Variants in CHD5 observed in about 807,000 individuals in gnomAD.
CHD5 encodes ATP-dependent chromatin remodeler CHD5.
Under a neutral mutation model 230.3 loss-of-function variants are expected in CHD5, and 69 were observed. The observed-to-expected ratio is 0.30, with a 90% CI of 0.25 to 0.37. The LOEUF is 0.37. Ranked by LOEUF, CHD5 falls within the 10% of genes least tolerant of loss-of-function variation. The pLI, the probability that CHD5 is intolerant of heterozygous loss-of-function variation, is 1.00. For synonymous variants in CHD5, 1,064 were observed against 1,065.9 expected, an observed-to-expected ratio of 1.00 and a Z score of 0.03; for missense variants, 1,827 against 2,622.8, an observed-to-expected ratio of 0.70 and a Z score of 6.63.
chr1:6,128,703 GC>G lies in CHD5; in HGVS notation c.3620-95del. 1 of 1,299,492 alleles carries G rather than the reference GC, an allele frequency of 7.7e-7. No homozygotes were observed. The highest frequency in any genetic ancestry group is 1.1e-6 in the Non-Finnish European group (1 of 909,886). 80.5% of individuals were successfully genotyped at this position (1,299,492 alleles called of 1,614,324 possible). ...AGAGACACCACCCTGGGCTGTCCTAGCCAGGAGATACAGGTGGGGGGTGCAG... is the reference window on the plus strand; with the variant it reads ...AGAGACACCACCCTGGGCTGTCCTAGCAGGAGATACAGGTGGGGGGTGCAG... On this transcript the variant is annotated intron_variant, in intron 23 of 41. Coordinates refer to ENST00000262450, the MANE Select transcript of CHD5 (RefSeq NM_015557.3). The surrounding 1 kb of genome is among the most constrained non-coding windows in gnomAD (Gnocchi z 7.8).
Position 6,131,972 on chromosome 1 carries a change from T to C in CHD5, c.3145-224A>G, listed in dbSNP as rs554762750. 9.2e-5 allele frequency among the ~76,000 whole-genome samples: 14 copies of C among 152,286 alleles called. No homozygotes were observed. The South Asian group carries it at 1.7e-3, about 18-fold the overall frequency. On this transcript the variant is annotated intron_variant, in intron 20 of 41. Coordinates refer to ENST00000262450, the MANE Select transcript of CHD5 (RefSeq NM_015557.3). This position sits in a 1 kb window ranked among gnomAD's most constrained non-coding sequence, Gnocchi z 5.0. ...CTGCCTAGCCCCACAGCCACTTACC[T>C]AAATCAGGGCTCTGACATGAGCCTC...
rs553673115 is a variant in CHD5 at position 6,134,007 on chromosome 1, A to T, written c.3144+121T>A. On this transcript the variant is annotated intron_variant, in intron 20 of 41. Coordinates refer to ENST00000262450, the MANE Select transcript of CHD5 (RefSeq NM_015557.3). This position sits in a 1 kb window ranked among gnomAD's most constrained non-coding sequence, Gnocchi z 6.3. ...GTGACCCCTGACACACAGTCACATG[A>T]CCCACATGGGAACGGCACTGGGCCC... The T allele has an allele frequency of 2.1e-6, 2 of 930,480 alleles. No individual in the cohort carries two copies. Among genetic ancestry groups the T allele is most frequent in the Non-Finnish European group, 3.2e-6 (2 of 615,514 alleles). 57.6% of individuals were successfully genotyped at this position (930,480 alleles called of 1,614,324 possible). A position where few individuals can be genotyped will look rare whatever the true frequency, so the allele number is the denominator to read the frequency against.
rs761614734 is a variant in CHD5 at position 6,124,498 on chromosome 1, CAG to C, written c.4539+17_4539+18del. On this transcript the variant is annotated intron_variant, in intron 30 of 41. Transcript: ENST00000262450. ...CAGGCAGCCACCAGGAAGGGCCCTA[CAG>C]AGAGTTACTCACCCACCTTCTTCCT... 3 of 1,613,852 alleles carry C rather than the reference CAG, an allele frequency of 1.9e-6. No individual in the cohort carries two copies. Among genetic ancestry groups the C allele is most frequent in the South Asian group, 1.1e-5 (1 of 91,058 alleles).
At chr1:6,106,556 C>T in intron 39 of CHD5, 47 bp from the exon 40 acceptor site, 1 of 1,550,264 alleles carries the variant, frequency 6.5e-7, no homozygotes, top group Non-Finnish European at 8.7e-7. Flanking sequence ...GCCCCCCACC[C>T]AGCCTCCACC....
At position 6,106,778 on chromosome 1, in the gene CHD5, G is replaced by T; in HGVS notation, c.5580C>A (p.Val1860=). The T allele has an allele frequency of 1.2e-6, 2 of 1,608,762 alleles. No individual in the cohort carries two copies. Among genetic ancestry groups the T allele is most frequent in the Non-Finnish European group, 1.7e-6 (2 of 1,178,292 alleles). Reference sequence around the variant, plus strand: ...TCAGCAGCTCCTCCAGCTGGTTCAGGACTGTGGTGGGAGGCGGAGGGATGG... The same window carrying T: ...TCAGCAGCTCCTCCAGCTGGTTCAGTACTGTGGTGGGAGGCGGAGGGATGG... ...NKPANAVLHK[V]LNQLEELLSD... Residue 1860 remains valine (V), a splice_region_variant and synonymous_variant, in exon 39 of 42, where the codon GTC becomes GTA. Transcript: ENST00000262450.
chr1:6,125,956 C>G lies in CHD5; in HGVS notation c.4079-98G>C, dbSNP rs1284611688. The G allele has an allele frequency of 8.5e-6, 7 of 825,320 alleles. No individual in the cohort carries two copies. The highest frequency in any genetic ancestry group is 2.0e-6 in the Non-Finnish European group (1 of 497,960). 51.1% of individuals were successfully genotyped at this position (825,320 alleles called of 1,614,324 possible). ...CAGGGCCACGCCGAGCCCCTGCACC[C>G]CAGCTCCATAAAAAAGCAGTGACAA... On this transcript the variant is annotated intron_variant, in intron 26 of 41. Coordinates refer to ENST00000262450, the MANE Select transcript of CHD5 (RefSeq NM_015557.3). This position sits in a 1 kb window ranked among gnomAD's most constrained non-coding sequence, Gnocchi z 6.7.
In CHD5 at chr1:6,154,805, G is replaced by A; in HGVS notation, c.600C>T (p.Pro200=). 1 of 1,613,874 alleles carries A rather than the reference G, an allele frequency of 6.2e-7. No homozygotes were observed. Among genetic ancestry groups the A allele is most frequent in the Non-Finnish European group, 8.5e-7 (1 of 1,179,988 alleles). ...AKWREFSANN[P]FKGSSAAAAA... The stretch of plus-strand genomic sequence containing the variant: ...CTGCTGCCGCGGAGCTGCCCTTGAA[G>A]GGGTTGTTGGCGCTGAACTCCCGCC... Residue 200 remains proline (P), a synonymous_variant, in exon 5 of 42, where the codon CCC becomes CCT. Transcript: ENST00000262450. The surrounding 1 kb of genome is among the most constrained non-coding windows in gnomAD (Gnocchi z 7.0).
At chr1:6,175,458 G>A (rs1308697686) in intron 1 of CHD5, among the ~76,000 whole-genome samples, 1 of 150,464 alleles carries the variant, frequency 6.6e-6, no homozygotes, top group Non-Finnish European at 1.5e-5. Flanking sequence ...GTGGGTACAG[G>A]AATGGATGGA....
chr1:6,146,483 C>G lies in CHD5; in HGVS notation c.1591-60G>C. 6.5e-7 allele frequency: 1 copy of G among 1,535,200 alleles called. No individual in the cohort carries two copies. Among genetic ancestry groups the G allele is most frequent in the Non-Finnish European group, 9.0e-7 (1 of 1,116,364 alleles). ...GATGGGCCATGGTCCCCTGCATCTC[C>G]CTACCCAGCTCCTCTAGCCCCAGCC... On this transcript the variant is annotated intron_variant, in intron 10 of 41. Coordinates refer to ENST00000262450, the MANE Select transcript of CHD5 (RefSeq NM_015557.3). This position sits in a 1 kb window ranked among gnomAD's most constrained non-coding sequence, Gnocchi z 5.1.
chr1:6,174,855 C>CGGATGGATGGATGAAAGATGAAT (rs1557566048), intron 1 of CHD5, among the ~76,000 whole-genome samples: 1 of 133,144 alleles, frequency 7.5e-6, no homozygotes, highest in East Asian at 2.5e-4. Context: ...GGATGAATGA[C>CGGATGGATGGATGAAAGATGAAT]GGATGGATGG....
rs1472309668 is a variant in CHD5, at chr1:6,126,839, C to T, written c.3904-93G>A. 5.8e-6 allele frequency: 7 copies of T among 1,200,712 alleles called. No individual in the cohort carries two copies. In the Admixed American group the frequency reaches 1.5e-4, roughly 25 times the overall value. The allele number at this position is 1,200,712 out of a possible 1,614,324, so 74.4% of individuals were successfully genotyped here. A position where few individuals can be genotyped will look rare whatever the true frequency, so the allele number is the denominator to read the frequency against. On this transcript the variant is annotated intron_variant, in intron 25 of 41. Transcript: ENST00000262450. This position sits in a 1 kb window ranked among gnomAD's most constrained non-coding sequence, Gnocchi z 5.7. ...CTCCACCTGACCTGCCCTTTGCCCC[C>T]TCAGGGCTCAAGGATTAATGGGATG...
At position 6,121,705 on chromosome 1, in the gene CHD5, G is replaced by A. The variant is rs571559991; in HGVS notation, c.4700-132C>T. The A allele has an allele frequency of 3.2e-6, 2 of 632,570 alleles. No individual in the cohort carries two copies. Among genetic ancestry groups the A allele is most frequent in the African/African-American group, 1.8e-5 (1 of 54,434 alleles). 39.2% of individuals were successfully genotyped at this position (632,570 alleles called of 1,614,324 possible). On this transcript the variant is annotated intron_variant, in intron 31 of 41. Coordinates refer to ENST00000262450, the MANE Select transcript of CHD5 (RefSeq NM_015557.3). This position sits in a 1 kb window ranked among gnomAD's most constrained non-coding sequence, Gnocchi z 4.5. ...CTCCACTGCAGCCAAGCACCTCCAG[G>A]AGAGACAAGCAGGATCCCCGGCTAA...
At chr1:6,172,329 CTTTATTTA>C (rs141678011) in intron 1 of CHD5, among the ~76,000 whole-genome samples, 43 of 152,128 alleles carry the variant, frequency 2.8e-4, no homozygotes, top group Non-Finnish European at 5.4e-4. Flanking sequence ...TGGTTTGGGG[CTTTATTTA>C]TTTATTTATT....
rs145339228 is a variant in CHD5 at position 6,170,723 on chromosome 1, G to A, written c.80-2446C>T. On this transcript the variant is annotated intron_variant, in intron 1 of 41. Transcript: ENST00000262450. Reference sequence around the variant, plus strand: ...CCAGGGGCAGGGGCTGGGCTGCTCCGGCTGACCCCACCCCATTCCTCTGAT... The same window carrying A: ...CCAGGGGCAGGGGCTGGGCTGCTCCAGCTGACCCCACCCCATTCCTCTGAT... Among the ~76,000 whole-genome samples, 357 of 152,332 alleles carry A rather than the reference G, an allele frequency of 2.3e-3. 2 individuals carry two copies. The highest frequency in any genetic ancestry group is 0.01 in the East Asian group (54 of 5,184).
chr1:6,143,854 T>G lies in CHD5; in HGVS notation c.2012A>C (p.Gln671Pro). The change falls in exon 13 of 42, where the codon CAG becomes CCG. Residue 671 changes from glutamine (Q) to proline (P), a missense_variant. Coordinates refer to ENST00000262450, the MANE Select transcript of CHD5 (RefSeq NM_015557.3). The stretch of plus-strand genomic sequence containing the variant: ...AATGGGCGTGTCCGGCGGCTTCTCC[T>G]GCTTGTCGTCCCTCAGCTTCTTGCC... ...KKGKKLRDDK[Q>P]EKPPDTPIVD... is the part of the protein sequence containing the mutation. The G allele has an allele frequency of 6.8e-7, 1 of 1,465,228 alleles. No homozygotes were observed. Among genetic ancestry groups the G allele is most frequent in the Non-Finnish European group, 9.2e-7 (1 of 1,084,998 alleles). The allele number at this position is 1,465,228 out of a possible 1,614,324, so 90.8% of individuals were successfully genotyped here. A position where few individuals can be genotyped will look rare whatever the true frequency, so the allele number is the denominator to read the frequency against.
Position 6,146,561 on chromosome 1 carries a change from G to A in CHD5, c.1590+104C>T. ...CTCAGCACCACCCCAACTCCCAACA[G>A]CACCCCTCAGTCAGAGGCGCTTCAG... On this transcript the variant is annotated intron_variant, in intron 10 of 41. Coordinates refer to ENST00000262450, the MANE Select transcript of CHD5 (RefSeq NM_015557.3). The surrounding 1 kb of genome is among the most constrained non-coding windows in gnomAD (Gnocchi z 5.1). The A allele has an allele frequency of 7.1e-7, 1 of 1,399,174 alleles. No homozygotes were observed. Among genetic ancestry groups the A allele is most frequent in the Non-Finnish European group, 1.0e-6 (1 of 993,002 alleles). 86.7% of individuals were successfully genotyped at this position (1,399,174 alleles called of 1,614,324 possible). A position where few individuals can be genotyped will look rare whatever the true frequency, so the allele number is the denominator to read the frequency against.
At chr1:6,139,755 C>T (rs1666799971) in intron 15 of CHD5, among the ~76,000 whole-genome samples, 1 of 152,136 alleles carries the variant, frequency 6.6e-6, no homozygotes, top group Non-Finnish European at 1.5e-5. Flanking sequence ...GTAAGTTTTA[C>T]ATTATGTGTA....
At chr1:6,133,003 T>A (rs1177951801) in intron 20 of CHD5, among the ~76,000 whole-genome samples, 1 of 151,836 alleles carries the variant, frequency 6.6e-6, no homozygotes, top group Non-Finnish European at 1.5e-5. Context: ...CAAGCAATCC[T>A]CCTGCCTCAA....
At chr1:6,163,693 A>C (rs916199468) in intron 2 of CHD5, among the ~76,000 whole-genome samples, 4 of 152,184 alleles carry the variant, frequency 2.6e-5, no homozygotes, top group Non-Finnish European at 4.4e-5. Flanking sequence ...AGTATCTCAA[A>C]ACATACTGAG....
Sources: gnomAD v4.1 joint callset for allele counts (sites outside exome capture counted in the v4.1 genomes callset) on GRCh38, gnomAD v4.1.1 for gene constraint, Gnocchi (gnomAD v3.1) non-coding constraint, MANE v1.5 for transcripts, NCBI Gene and HGNC (gene_info 2026-07-23, HGNC 2026-07-21) for gene names.